JOSD1: variants seen among roughly 807,000 people sequenced by gnomAD.
JOSD1 encodes josephin-1.
Under a neutral mutation model 24.3 loss-of-function variants are expected in JOSD1, and 11 were observed. That is an observed-to-expected ratio of 0.45 (90% CI 0.29 to 0.75). JOSD1 has a LOEUF of 0.75. JOSD1 is among the 30% of genes least tolerant of loss of function. The pLI is 0.11. For synonymous variants in JOSD1, 106 were observed against 93.8 expected (o/e 1.13, Z -0.75); for missense variants, 184 against 253.5 (o/e 0.73, Z 1.86).
chr22:38,700,207 CTTT>C lies in JOSD1; in HGVS notation c.-223_-221del, dbSNP rs1452723720. 7 of 1,233,984 alleles carry C rather than the reference CTTT, an allele frequency of 5.7e-6. No homozygotes were observed. Among genetic ancestry groups the C allele is most frequent in the Non-Finnish European group, 7.1e-6 (7 of 986,660 alleles). The allele number at this position is 1,233,984 out of a possible 1,614,324, so 76.4% of individuals were successfully genotyped here. A position where few individuals can be genotyped will look rare whatever the true frequency, so the allele number is the denominator to read the frequency against. On this transcript the variant is annotated 5_prime_UTR_variant, in exon 2 of 5. The change abolishes the stop of an existing upstream ORF in the 5' untranslated region. Transcript: ENST00000683374. ...CAATAGAAAAATAACTTTTGGATTA[CTTT>C]TATTTTGCTACCACTGTCAAAGTGC...
At chr22:38,694,637 C>T (rs1359177369) in intron 2 of JOSD1, among the ~76,000 whole-genome samples, 7 of 151,852 alleles carry the variant, frequency 4.6e-5, no homozygotes, top group Non-Finnish European at 8.8e-5. Flanking sequence ...CCGAGGTGGA[C>T]GGTTCATGAG....
intron 2 of JOSD1, among the ~76,000 whole-genome samples, chr22:38,695,506 G>A (rs1012834455): frequency 1.3e-5 from 2 of 148,618 alleles, no homozygotes; most frequent in African/African-American, 5.0e-5. Flanking sequence ...GGAATGCAGT[G>A]GCACGAACAT....
chr22:38,701,105 G>T, upstream of JOSD1: 4 of 409,304 alleles, frequency 9.8e-6, no homozygotes, highest in South Asian at 2.0e-4. Flanking sequence ...CGCAGACGCC[G>T]GGCGTGTAGG....
intron 2 of JOSD1, among the ~76,000 whole-genome samples, chr22:38,691,131 A>G (rs569396099): frequency 3.9e-5 from 6 of 152,254 alleles, no homozygotes; most frequent in Non-Finnish European, 8.8e-5. Flanking sequence ...TTGGGAGGCC[A>G]AGGTGGGAGT....
chr22:38,689,912 CTGTGTGTGTGTGTGTG>C (rs57064558), intron 2 of JOSD1, among the ~76,000 whole-genome samples: 3 of 144,636 alleles, frequency 2.1e-5, no homozygotes, highest in South Asian at 2.2e-4. Context: ...TAAAGGCATT[CTGTGTGTGTGTGTGTG>C]TGTGTGTGTG....
intron 2 of JOSD1, 121 bp downstream of exon 2, chr22:38,699,682 A>G: frequency 2.2e-6 from 2 of 925,954 alleles, no homozygotes; most frequent in Admixed American, 2.0e-5. Flanking sequence ...TGTCCCTTAT[A>G]CCTGCTAACG....
upstream of JOSD1, chr22:38,700,952 G>C (rs898192731): frequency 1.0e-6 from 1 of 984,732 alleles, no homozygotes; most frequent in African/African-American, 1.7e-5. Flanking sequence ...GGCCGTGCGG[G>C]CGGGCGCGCG....
chr22:38,700,722 C>A, intron 1 of JOSD1, 78 bp downstream of exon 1: 17 of 978,702 alleles, frequency 1.7e-5, no homozygotes, highest in Non-Finnish European at 1.9e-5. Context: ...GAAGGGCTGG[C>A]CCGCGAGGGG....
At chr22:38,694,445 T>C (rs2092536171) in intron 2 of JOSD1, among the ~76,000 whole-genome samples, 2 of 152,230 alleles carry the variant, frequency 1.3e-5, no homozygotes, top group East Asian at 3.8e-4. Context: ...TTGAGACTCC[T>C]TGGCAAACTC....
Position 38,687,795 on chromosome 22 carries a change from C to T in JOSD1, c.*107G>A. The stretch of plus-strand genomic sequence containing the variant: ...CACTGTCAGATCTGAAGGGGAAAAA[C>T]TTGATGAGATGTTTGGGGAAGTGGC... On this transcript the variant is annotated 3_prime_UTR_variant, in exon 5 of 5. Transcript: ENST00000683374. The T allele has an allele frequency of 1.4e-6, 1 of 731,686 alleles. No individual in the cohort carries two copies. The highest frequency in any genetic ancestry group is 2.4e-6 in the Non-Finnish European group (1 of 410,476). The allele number at this position is 731,686 out of a possible 1,614,324, so 45.3% of individuals were successfully genotyped here. A position where few individuals can be genotyped will look rare whatever the true frequency, so the allele number is the denominator to read the frequency against.
At chr22:38,691,144 C>T (rs1004319890) in intron 2 of JOSD1, among the ~76,000 whole-genome samples, 2 of 152,110 alleles carry the variant, frequency 1.3e-5, no homozygotes, top group South Asian at 4.1e-4. Context: ...GTGGGAGTAT[C>T]GCTTGAGCCT....
chr22:38,692,280 T>G (rs1169011415), intron 2 of JOSD1, among the ~76,000 whole-genome samples: 1 of 152,224 alleles, frequency 6.6e-6, no homozygotes, highest in Non-Finnish European at 1.5e-5. Context: ...CATGAGCACT[T>G]GCAAGTGACA....
At chr22:38,694,719 G>A (rs544266823) in intron 2 of JOSD1, among the ~76,000 whole-genome samples, 6 of 152,056 alleles carry the variant, frequency 3.9e-5, no homozygotes, top group Non-Finnish European at 5.9e-5. Context: ...AAAAGTAGCC[G>A]GGCGTGGTGG....
intron 1 of JOSD1, 61 bp downstream of exon 1, chr22:38,700,739 C>T (rs936015245): frequency 9.2e-6 from 9 of 981,758 alleles, no homozygotes; most frequent in African/African-American, 8.8e-5. Context: ...GGGGTGGGGC[C>T]GGACAGTCAG....
chr22:38,687,838 A>G lies in JOSD1; in HGVS notation c.*64T>C. 1 of 1,122,946 alleles carries G rather than the reference A, an allele frequency of 8.9e-7. No individual in the cohort carries two copies. Among genetic ancestry groups the G allele is most frequent in the Non-Finnish European group, 1.4e-6 (1 of 736,192 alleles). 69.6% of individuals were successfully genotyped at this position (1,122,946 alleles called of 1,614,324 possible). A position where few individuals can be genotyped will look rare whatever the true frequency, so the allele number is the denominator to read the frequency against. On this transcript the variant is annotated 3_prime_UTR_variant, in exon 5 of 5. Transcript: ENST00000683374. ...GAAGTGGCAAGGGCAGACCCACTGTAGAGGCCACAGCACGTCACAGAGGAC... is the reference window on the plus strand; with the variant it reads ...GAAGTGGCAAGGGCAGACCCACTGTGGAGGCCACAGCACGTCACAGAGGAC...
At chr22:38,697,647 C>CG (rs2092551252) in intron 2 of JOSD1, among the ~76,000 whole-genome samples, 1 of 152,224 alleles carries the variant, frequency 6.6e-6, no homozygotes, top group Non-Finnish European at 1.5e-5. Flanking sequence ...GAGCGGTTAG[C>CG]GGGGCAGGTT....
intron 1 of JOSD1, 85 bp downstream of exon 1, chr22:38,700,715 G>C (rs1465188329): frequency 7.5e-5 from 73 of 978,448 alleles, no homozygotes; most frequent in Non-Finnish European, 8.3e-5. Context: ...GCGCGGCGAA[G>C]GGCTGGCCCG....
chr22:38,688,332 G>A (rs1347589793), intron 4 of JOSD1, among the ~76,000 whole-genome samples: 4 of 152,134 alleles, frequency 2.6e-5, no homozygotes, highest in Non-Finnish European at 4.4e-5. Context: ...GCATGATCTC[G>A]GCTCACTGCA....
intron 2 of JOSD1, among the ~76,000 whole-genome samples, chr22:38,695,151 A>C (rs529666736): frequency 6.6e-6 from 1 of 152,308 alleles, no homozygotes; most frequent in East Asian, 1.9e-4. Context: ...AGAGCTAGGC[A>C]CACATTAGTA....
Sources: gnomAD v4.1 joint callset for allele counts (sites outside exome capture counted in the v4.1 genomes callset) on GRCh38, gnomAD v4.1.1 for gene constraint, MANE v1.5 for transcripts, NCBI Gene and HGNC (gene_info 2026-07-23, HGNC 2026-07-21) for gene names.